The following DENND4B variants were observed in gnomAD, a reference collection of about 807,000 sequenced individuals.
DENND4B encodes the protein DENN domain containing 4B, also known as DENN domain-containing protein 4B.
DENND4B carries 67 observed loss-of-function variants against 161.0 expected under a neutral mutation model. The ratio of observed to expected loss-of-function variants is 0.42; its 90% CI spans 0.34 to 0.51. The LOEUF is 0.51. Ranked by LOEUF, DENND4B falls within the 20% of genes least tolerant of loss-of-function variation. The probability of loss-of-function intolerance (pLI) is 0.08; values close to 1 mark genes in which losing one functional copy is unlikely to be tolerated. For missense variants in DENND4B, 1,481 were observed against 1,968.0 expected, an observed-to-expected ratio of 0.75 and a Z score of 4.68; for synonymous variants, 753 against 813.8, an observed-to-expected ratio of 0.93 and a Z score of 1.27.
At position 153,930,558 on chromosome 1, in the gene DENND4B, G is replaced by A; in HGVS notation, c.4326C>T (p.Gly1442=). Residue 1442 remains glycine (G), a synonymous_variant, in exon 27 of 28, where the codon GGC becomes GGT. Transcript: ENST00000361217. This position sits in a 1 kb window ranked among gnomAD's most constrained non-coding sequence, Gnocchi z 4.7. ...EILFLTMAAL[G]KDHVDIVAFD... ...TCTCACCTATGTCCACGTGGTCCTT[G>A]CCCAGAGCAGCCATTGTCAGGAATA... 1 of 1,614,018 alleles carries A rather than the reference G, an allele frequency of 6.2e-7. No individual in the cohort carries two copies. The highest frequency in any genetic ancestry group is 8.5e-7 in the Non-Finnish European group (1 of 1,179,892).
chr1:153,934,288 G>T lies in DENND4B; in HGVS notation c.2788C>A (p.Arg930Ser). The change falls in exon 19 of 28, where the codon CGC (arginine) becomes AGC (serine). Residue 930 changes from arginine (R) to serine (S), a missense_variant. Around this residue, in one of 3 missense-constraint regions of DENND4B, gnomAD observed 339 missense variants for 330.3 expected, o/e 1.03. Transcript: ENST00000361217. The surrounding 1 kb of genome is among the most constrained non-coding windows in gnomAD (Gnocchi z 5.3). ...GSSQAEPYLE[R>S]PSPTRPLQRQ... Reference sequence around the variant, plus strand: ...TGAAGAGGGCGAGTAGGGGAAGGGCGCTCCAAATAGGGCTCTGTAAAAGAC... The same window carrying T: ...TGAAGAGGGCGAGTAGGGGAAGGGCTCTCCAAATAGGGCTCTGTAAAAGAC... 6.3e-7 allele frequency: 1 copy of T among 1,589,126 alleles called. No homozygotes were observed. Among genetic ancestry groups the T allele is most frequent in the Non-Finnish European group, 8.6e-7 (1 of 1,169,508 alleles).
At chr1:153,939,145 G>T in intron 12 of DENND4B, 100 bp from the exon 13 acceptor site, 1 of 1,426,500 alleles carries the variant, frequency 7.0e-7, no homozygotes, top group Non-Finnish European at 9.5e-7. Flanking sequence ...GCCCACTCAG[G>T]CCCAAAGCCA....
At position 153,936,814 on chromosome 1, in the gene DENND4B, T is replaced by A; in HGVS notation, c.2233-66A>T. 7.2e-7 allele frequency: 1 copy of A among 1,380,584 alleles called. No individual in the cohort carries two copies. The allele number at this position is 1,380,584 out of a possible 1,614,324, so 85.5% of individuals were successfully genotyped here. Reference sequence around the variant, plus strand: ...AGGTCTTTCTTACTTATCTATTTATTTATTTATTTATGACGGTCTCGCTCT... The same window carrying A: ...AGGTCTTTCTTACTTATCTATTTATATATTTATTTATGACGGTCTCGCTCT... On this transcript the variant is annotated intron_variant, in intron 15 of 27. Coordinates refer to ENST00000361217, the MANE Select transcript of DENND4B (RefSeq NM_014856.3). This position sits in a 1 kb window ranked among gnomAD's most constrained non-coding sequence, Gnocchi z 4.1.
intron 13 of DENND4B, among the ~76,000 whole-genome samples, chr1:153,938,175 G>A (rs889326550): frequency 6.6e-6 from 1 of 152,152 alleles, no homozygotes; most frequent in Non-Finnish European, 1.5e-5. Flanking sequence ...TTGGGAGGCC[G>A]AGGTGGGCGG....
rs756715735 is a variant in DENND4B at position 153,933,254 on chromosome 1, G to A, written c.3396C>T (p.Arg1132=). 14 of 1,613,046 alleles carry A rather than the reference G, an allele frequency of 8.7e-6. No individual in the cohort carries two copies. The highest frequency in any genetic ancestry group is 8.4e-5 in the Admixed American group (5 of 59,874). ...TGTCACTGAGGCGCTCTGAGGAACG[G>A]CGAAGACTCAGGTTGCTGAGAGAAG... The part of the protein sequence containing the change: ...SESSLSNLSL[R]RSSERLSDTP... Residue 1132 remains arginine, a synonymous_variant, in exon 21 of 28, where the codon CGC becomes CGT. Transcript: ENST00000361217. This position sits in a 1 kb window ranked among gnomAD's most constrained non-coding sequence, Gnocchi z 5.7.
rs180834906 is a variant in DENND4B at position 153,937,026 on chromosome 1, C to A, written c.2233-278G>T. ...CCCAGGCTAGTCACAAACTCCTGGGCGCAAGTGATCTGCCTGCCTCAGCCT... is the reference window on the plus strand; with the variant it reads ...CCCAGGCTAGTCACAAACTCCTGGGAGCAAGTGATCTGCCTGCCTCAGCCT... On this transcript the variant is annotated intron_variant, in intron 15 of 27. Transcript: ENST00000361217. This position sits in a 1 kb window ranked among gnomAD's most constrained non-coding sequence, Gnocchi z 4.7. Among the ~76,000 whole-genome samples the A allele has an allele frequency of 6.6e-6, 1 of 152,186 alleles. No homozygotes were observed. Among genetic ancestry groups the A allele is most frequent in the Non-Finnish European group, 1.5e-5 (1 of 68,034 alleles).
rs768231244 is a variant in DENND4B, at chr1:153,932,475, A to G, written c.3760-35T>C. ...ACAAAGGGGGAGGGCAGTAGAGGGC[A>G]TGTACATCCCCAGAGCCTTGCCTCC... is the stretch of plus-strand genomic sequence containing the variant. On this transcript the variant is annotated intron_variant, in intron 23 of 27. Transcript: ENST00000361217. The surrounding 1 kb of genome is among the most constrained non-coding windows in gnomAD (Gnocchi z 5.8). 2.5e-6 allele frequency: 4 copies of G among 1,576,538 alleles called. No homozygotes were observed. Among genetic ancestry groups the G allele is most frequent in the Non-Finnish European group, 1.7e-6 (2 of 1,160,456 alleles).
rs3216005 is a variant in DENND4B at position 153,939,275 on chromosome 1, G to T, written c.1820-230C>A. Among the ~76,000 whole-genome samples, 753 of 82,138 alleles carry T rather than the reference G, an allele frequency of 9.2e-3. 13 individuals carry two copies. The highest frequency in any genetic ancestry group is 0.043 in the Admixed American group (264 of 6,096). 53.9% of individuals were successfully genotyped at this position (82,138 alleles called of 152,430 possible). The stretch of plus-strand genomic sequence containing the variant: ...CTGCCTGTACCCACTGCCTCAGACT[G>T]GGGGGGGTCTCCAAGGGCAGGGTCC... On this transcript the variant is annotated intron_variant, in intron 12 of 27. Coordinates refer to ENST00000361217, the MANE Select transcript of DENND4B (RefSeq NM_014856.3).
rs1679424586 is a variant in DENND4B, at chr1:153,937,597, T to C, written c.2123A>G (p.Glu708Gly). Residue 708 changes from glutamate (E) to glycine (G), a missense_variant, in exon 15 of 28, where the codon GAG (glutamate) becomes GGG (glycine). By Grantham distance (98) the Glu-to-Gly change is moderately conservative. Coordinates refer to ENST00000361217, the MANE Select transcript of DENND4B (RefSeq NM_014856.3). This position sits in a 1 kb window ranked among gnomAD's most constrained non-coding sequence, Gnocchi z 4.7. Reference sequence around the variant, plus strand: ...AGACTCAAACAACTCAGCCCGTAGCTCTGGGAATCCATCATAGCTGGAGGG... The same window carrying C: ...AGACTCAAACAACTCAGCCCGTAGCCCTGGGAATCCATCATAGCTGGAGGG... Reference protein sequence around the residue: ...TPQYCYDGFPELRAELFESLQ... With the variant: ...TPQYCYDGFPGLRAELFESLQ... 1 of 1,612,766 alleles carries C rather than the reference T, an allele frequency of 6.2e-7. No individual in the cohort carries two copies. Among genetic ancestry groups the C allele is most frequent in the East Asian group, 2.2e-5 (1 of 44,854 alleles).
In DENND4B at chr1:153,942,848, G is replaced by T. The variant is rs1188670357; in HGVS notation, c.570+30C>A. On this transcript the variant is annotated intron_variant, in intron 3 of 27. Coordinates refer to ENST00000361217, the MANE Select transcript of DENND4B (RefSeq NM_014856.3). The surrounding 1 kb of genome is among the most constrained non-coding windows in gnomAD (Gnocchi z 6.9). ...TCCACACCCACTCTTACACCAAGAG[G>T]ACCAGGTGTCAGCTCTTGGCCCCAC... 1.3e-6 allele frequency: 2 copies of T among 1,572,628 alleles called. No homozygotes were observed. The highest frequency in any genetic ancestry group is 1.7e-6 in the Non-Finnish European group (2 of 1,155,032).
At position 153,941,221 on chromosome 1, in the gene DENND4B, G is replaced by T; in HGVS notation, c.1181+10C>A. On this transcript the variant is annotated intron_variant, in intron 8 of 27. Coordinates refer to ENST00000361217, the MANE Select transcript of DENND4B (RefSeq NM_014856.3). ...ATTAAAGCTCCCCTCCCCACAATCT[G>T]ATCACATACCTGAGGGGCAGGGGTG... The T allele has an allele frequency of 6.2e-7, 1 of 1,613,656 alleles. No individual in the cohort carries two copies. The highest frequency in any genetic ancestry group is 1.1e-5 in the South Asian group (1 of 90,980).
Position 153,933,297 on chromosome 1 carries a change from T to C in DENND4B, c.3353A>G (p.Glu1118Gly), listed in dbSNP as rs1338446929. Residue 1118 changes from glutamate (E) to glycine (G), a missense_variant, in exon 21 of 28, where the codon GAG (glutamate) becomes GGG (glycine). Around this residue, in one of 3 missense-constraint regions of DENND4B, gnomAD observed 336 missense variants for 503.3 expected, o/e 0.67. Transcript: ENST00000361217. This position sits in a 1 kb window ranked among gnomAD's most constrained non-coding sequence, Gnocchi z 5.7. Reference protein sequence around the residue: ...ASESSASLGSEWDLSESSLSN... With the variant: ...ASESSASLGSGWDLSESSLSN... ...GAGAGAAGATTCTGAGAGGTCCCAC[T>C]CACTGCCCAGAGAGGCTGAGCTCTA... 6 of 1,613,338 alleles carry C rather than the reference T, an allele frequency of 3.7e-6. No individual in the cohort carries two copies. Among genetic ancestry groups the C allele is most frequent in the Non-Finnish European group, 5.1e-6 (6 of 1,179,596 alleles).
rs781759596 is a variant in DENND4B at position 153,944,346 on chromosome 1, A to G, written c.29T>C (p.Val10Ala). The G allele has an allele frequency of 3.5e-5, 56 of 1,606,768 alleles. No homozygotes were observed. Among genetic ancestry groups the G allele is most frequent in the Non-Finnish European group, 4.7e-5 (55 of 1,176,894 alleles). The change falls in exon 2 of 28, where the codon GTG (valine) becomes GCG (alanine). Residue 10 changes from valine to alanine, a missense_variant. This residue lies in a region of DENND4B where 806 missense variants were observed against 1,134.4 expected (regional missense o/e 0.71). Transcript: ENST00000361217. The surrounding 1 kb of genome is among the most constrained non-coding windows in gnomAD (Gnocchi z 4.8). ...AAGCCCAGCTACCACGAAGTAATCC[A>G]CCAGCCGGGGGGGCCGCTCCTCCGC... The part of the protein sequence containing the change: MAEERPPRL[V>A]DYFVVAGLAG...
rs1271766913 is a variant in DENND4B at position 153,939,007 on chromosome 1, A to G, written c.1858T>C (p.Tyr620His). 7 of 1,612,596 alleles carry G rather than the reference A, an allele frequency of 4.3e-6. No individual in the cohort carries two copies. The highest frequency in any genetic ancestry group is 1.1e-5 in the South Asian group (1 of 90,532). The change falls in exon 13 of 28, where the codon TAC becomes CAC. Residue 620 changes from tyrosine to histidine, a missense_variant. By Grantham distance (83) the Tyr-to-His change is moderately conservative. Coordinates refer to ENST00000361217, the MANE Select transcript of DENND4B (RefSeq NM_014856.3). ...KSRERSSHKL[Y>H]SQLLHTQMFS... The stretch of plus-strand genomic sequence containing the variant: ...ATCTGTGTGTGCAGCAGCTGAGAGT[A>G]AAGTTTGTGGCTGGAGCGTTCCCGG...
rs1010043456 is a variant in DENND4B, at chr1:153,936,939, C to T, written c.2233-191G>A. Among the ~76,000 whole-genome samples the T allele has an allele frequency of 8.5e-5, 13 of 152,128 alleles. No homozygotes were observed. Among genetic ancestry groups the T allele is most frequent in the African/African-American group, 2.7e-4 (11 of 41,430 alleles). The stretch of plus-strand genomic sequence containing the variant: ...CCACCTCAGTCTCAAGTAGCTGGGA[C>T]GCACCACCAAGCCCGACTGATTGTT... On this transcript the variant is annotated intron_variant, in intron 15 of 27. Coordinates refer to ENST00000361217, the MANE Select transcript of DENND4B (RefSeq NM_014856.3). This position sits in a 1 kb window ranked among gnomAD's most constrained non-coding sequence, Gnocchi z 4.1.
Position 153,932,084 on chromosome 1 carries a change from G to A in DENND4B, c.3996+120C>T. On this transcript the variant is annotated intron_variant, in intron 24 of 27. Coordinates refer to ENST00000361217, the MANE Select transcript of DENND4B (RefSeq NM_014856.3). The surrounding 1 kb of genome is among the most constrained non-coding windows in gnomAD (Gnocchi z 5.8). ...GGCCTCCCAAAGTGCTGGGATTACA[G>A]GCATGAGCCACCGTGCCTGGCCAGT... 2 of 959,968 alleles carry A rather than the reference G, an allele frequency of 2.1e-6. No homozygotes were observed. The highest frequency in any genetic ancestry group is 2.6e-5 in the East Asian group (1 of 37,736). The allele number at this position is 959,968 out of a possible 1,614,324, so 59.5% of individuals were successfully genotyped here.
In DENND4B at chr1:153,932,486, C is replaced by T; in HGVS notation, c.3760-46G>A. 1.3e-6 allele frequency: 2 copies of T among 1,562,682 alleles called. No individual in the cohort carries two copies. Among genetic ancestry groups the T allele is most frequent in the Non-Finnish European group, 1.7e-6 (2 of 1,152,462 alleles). ...GGGCAGTAGAGGGCATGTACATCCC[C>T]AGAGCCTTGCCTCCCACTGAGCCAC... On this transcript the variant is annotated intron_variant, in intron 23 of 27. Transcript: ENST00000361217. This position sits in a 1 kb window ranked among gnomAD's most constrained non-coding sequence, Gnocchi z 5.8.
Position 153,942,118 on chromosome 1 carries a change from C to A in DENND4B, c.811-5G>T. On this transcript the variant is annotated splice_polypyrimidine_tract_variant and splice_region_variant and intron_variant, in intron 5 of 27. Coordinates refer to ENST00000361217, the MANE Select transcript of DENND4B (RefSeq NM_014856.3). This position sits in a 1 kb window ranked among gnomAD's most constrained non-coding sequence, Gnocchi z 6.9. ...CTGCAGGGCGGCACCATACACCTGG[C>A]AGGGGGCAGAAGGGTAGTCAGGCAG... 6.2e-7 allele frequency: 1 copy of A among 1,613,756 alleles called. No homozygotes were observed. The highest frequency in any genetic ancestry group is 1.1e-5 in the South Asian group (1 of 91,062).
chr1:153,943,809 T>C (rs1679810382), intron 2 of DENND4B, among the ~76,000 whole-genome samples: 2 of 151,944 alleles, frequency 1.3e-5, no homozygotes, highest in South Asian at 4.1e-4. Flanking sequence ...ATTTGACAGA[T>C]GAGGAAAACA....
Sources: allele counts gnomAD v4.1 joint callset (sites outside exome capture counted in the v4.1 genomes callset), GRCh38; gene constraint gnomAD v4.1.1; regional missense constraint gnomAD v4.1.1; non-coding constraint Gnocchi (gnomAD v3.1); transcripts MANE v1.5; gene names NCBI Gene and HGNC (gene_info 2026-07-23, HGNC 2026-07-21).